The following CLVS1 variants were observed in gnomAD, a reference collection of about 807,000 sequenced individuals.
CLVS1 encodes clavesin 1.
In CLVS1, 10 loss-of-function variants were observed where a neutral mutation model predicts 33.1. The observed-to-expected ratio is 0.30, with a 90% CI of 0.19 to 0.51. CLVS1 has a LOEUF of 0.51. CLVS1 is among the 20% of genes least tolerant of loss of function. CLVS1 has a pLI of 0.97. For synonymous variants in CLVS1, 163 were observed against 166.1 expected (o/e 0.98, Z 0.14); for missense variants, 343 against 433.4 (o/e 0.79, Z 1.85).
chr8:61,246,167 CTTTTTTTTTTTTTT>C (rs1188366643), intron 2 of CLVS1, among the ~76,000 whole-genome samples: 2 of 82,240 alleles, frequency 2.4e-5, no homozygotes, highest in Non-Finnish European at 4.6e-5. Context: ...TCCTTCCCAA[CTTTTTTTTTTTTTT>C]TTTTTTTTTT....
chr8:61,363,023 T>C (rs1009717054), intron 2 of CLVS1, among the ~76,000 whole-genome samples: 1 of 152,100 alleles, frequency 6.6e-6, no homozygotes, highest in African/African-American at 2.4e-5. Context: ...AGGTAACGGG[T>C]CATCAACTTG....
At chr8:61,081,813 C>T (rs1232243485) in intron 1 of CLVS1, among the ~76,000 whole-genome samples, 1 of 152,184 alleles carries the variant, frequency 6.6e-6, no homozygotes, top group Non-Finnish European at 1.5e-5. Flanking sequence ...CAGGAAGTTA[C>T]AGAAAATCAC....
At chr8:61,093,025 G>A (rs564906891) in intron 1 of CLVS1, among the ~76,000 whole-genome samples, 1 of 152,206 alleles carries the variant, frequency 6.6e-6, no homozygotes, top group Non-Finnish European at 1.5e-5. Context: ...CCGCAAAATG[G>A]GAAGGGCTCA....
chr8:60,994,184 ATCTTCACGTGG>A, the CLVS1 span, among the ~76,000 whole-genome samples: 40 of 152,236 alleles, frequency 2.6e-4, no homozygotes, highest in Non-Finnish European at 5.3e-4. Context: ...TTCTCCCTGT[ATCTTCACGTGG>A]TCCTTCCTCT....
chr8:61,069,356 A>G (rs1804747430), intron 1 of CLVS1, among the ~76,000 whole-genome samples: 1 of 152,206 alleles, frequency 6.6e-6, no homozygotes, highest in Non-Finnish European at 1.5e-5. Context: ...AAATCACATC[A>G]GTAAGAGCGA....
intron 1 of CLVS1, among the ~76,000 whole-genome samples, chr8:61,113,936 G>T (rs1018792874): frequency 6.6e-6 from 1 of 152,140 alleles, no homozygotes; most frequent in Non-Finnish European, 1.5e-5. Context: ...CCTGGCCCTG[G>T]GTATATTCTT....
intron 1 of CLVS1, among the ~76,000 whole-genome samples, chr8:61,063,279 GAGAGAGAGAGAGAGAT>G (rs1298070822): frequency 0.028 from 3,849 of 139,488 alleles, 253 homozygotes; most frequent in African/African-American, 0.11. Context: ...GAGAGAGAGA[GAGAGAGAGAGAGAGAT>G]AGAGAGAGAG....
At chr8:61,195,473 G>A (rs562591627) in intron 2 of CLVS1, among the ~76,000 whole-genome samples, 8 of 151,892 alleles carry the variant, frequency 5.3e-5, no homozygotes, top group Admixed American at 5.2e-4. Context: ...CAAACAGCTG[G>A]TGCTTGCTTA....
chr8:61,210,599 T>C (rs1388004697), intron 2 of CLVS1, among the ~76,000 whole-genome samples: 1 of 152,192 alleles, frequency 6.6e-6, no homozygotes, highest in Non-Finnish European at 1.5e-5. Context: ...GTGCTACAGC[T>C]GAAAGGAGCT....
the CLVS1 span, among the ~76,000 whole-genome samples, chr8:60,988,615 T>C: frequency 5.9e-5 from 9 of 152,348 alleles, no homozygotes; most frequent in African/African-American, 1.9e-4. Context: ...AAATTTATTA[T>C]CTTTGTGCTT....
chr8:60,992,911 G>A, the CLVS1 span, among the ~76,000 whole-genome samples: 1 of 152,216 alleles, frequency 6.6e-6, no homozygotes, highest in Non-Finnish European at 1.5e-5. Flanking sequence ...GAAGGTCATG[G>A]AAGGACAGTG....
At chr8:61,170,020 C>CT (rs1806960155) in intron 2 of CLVS1, among the ~76,000 whole-genome samples, 1 of 152,060 alleles carries the variant, frequency 6.6e-6, no homozygotes, top group Admixed American at 6.6e-5. Context: ...ATATAATAAG[C>CT]TGCACACATT....
intron 1 of CLVS1, among the ~76,000 whole-genome samples, chr8:61,124,216 G>T (rs1001398764): frequency 1.3e-5 from 2 of 152,142 alleles, no homozygotes; most frequent in African/African-American, 2.4e-5. Flanking sequence ...AATCCAGTGT[G>T]GTTGAGTTTT....
chr8:61,366,636 T>C (rs1009159444), intron 2 of CLVS1, among the ~76,000 whole-genome samples: 1 of 152,216 alleles, frequency 6.6e-6, no homozygotes, highest in African/African-American at 2.4e-5. Context: ...CTACCTTCCT[T>C]CTTTCGCTAA....
rs554785743 is a variant in CLVS1 at position 61,108,234 on chromosome 8, A to C, written c.-242-23536A>C. ...CTCCGTCTCAAAAAAAAAAAAAAAA[A>C]CCATAAAAAAAAAATCTCTGCCCTC... On this transcript the variant is annotated intron_variant, in intron 1 of 2. Transcript: ENST00000522621. Among the ~76,000 whole-genome samples the C allele has an allele frequency of 2.5e-3, 379 of 150,770 alleles. 1 individual carries two copies. Among genetic ancestry groups the C allele is most frequent in the African/African-American group, 8.7e-3 (358 of 40,998 alleles).
chr8:61,272,444 A>G (rs928638659), intron 2 of CLVS1, among the ~76,000 whole-genome samples: 11 of 151,296 alleles, frequency 7.3e-5, no homozygotes, highest in African/African-American at 2.7e-4. Context: ...CTTCATTTCA[A>G]CTTTGGTGAA....
chr8:61,352,886 G>T (rs186769523), intron 2 of CLVS1, among the ~76,000 whole-genome samples: 3 of 152,088 alleles, frequency 2.0e-5, no homozygotes, highest in East Asian at 1.9e-4. Flanking sequence ...AAGTAATCTA[G>T]AAATGATTTA....
At chr8:61,198,998 T>C (rs1334195359) in intron 2 of CLVS1, among the ~76,000 whole-genome samples, 1 of 152,212 alleles carries the variant, frequency 6.6e-6, no homozygotes, top group African/African-American at 2.4e-5. Context: ...TTCTATATCT[T>C]TACAATTGTG....
At chr8:61,317,690 T>C (rs1811059837) in intron 2 of CLVS1, among the ~76,000 whole-genome samples, 1 of 152,246 alleles carries the variant, frequency 6.6e-6, no homozygotes, top group African/African-American at 2.4e-5. Flanking sequence ...TCTATTTCTA[T>C]ATTTTACATG....
Sources: allele counts gnomAD v4.1 joint callset (sites outside exome capture counted in the v4.1 genomes callset), GRCh38; gene constraint gnomAD v4.1.1; transcripts MANE v1.5; gene names NCBI Gene and HGNC (gene_info 2026-07-23, HGNC 2026-07-21).